The following ELFN2 variants were observed in gnomAD, a reference collection of about 807,000 sequenced individuals.
The protein encoded by ELFN2 is protein phosphatase 1 regulatory subunit 29.
In ELFN2, 17 loss-of-function variants were observed where a neutral mutation model predicts 45.5. That is an observed-to-expected ratio of 0.37 (90% CI 0.26 to 0.56). The LOEUF is 0.56. ELFN2 is among the 20% of genes least tolerant of loss of function. The pLI, the probability that ELFN2 is intolerant of heterozygous loss-of-function variation, is 0.77. For missense variants in ELFN2, 922 were observed against 1,183.2 expected, an observed-to-expected ratio of 0.78 and a Z score of 3.24; for synonymous variants, 550 against 551.5, an observed-to-expected ratio of 1.00 and a Z score of 0.04.
intron 2 of ELFN2, among the ~76,000 whole-genome samples, chr22:37,381,202 C>G (rs985543175): frequency 8.5e-5 from 13 of 152,302 alleles, no homozygotes; most frequent in Non-Finnish European, 1.6e-4. Flanking sequence ...CTGGTGCTGT[C>G]AGCCTCATCT....
chr22:37,411,298 G>A (rs1932643836), intron 2 of ELFN2, among the ~76,000 whole-genome samples: 1 of 152,130 alleles, frequency 6.6e-6, no homozygotes, highest in African/African-American at 2.4e-5. Flanking sequence ...GGCAGCAAAG[G>A]CCTCACCCCA....
At chr22:37,344,445 G>A (rs1028618590) in intron 1 of ELFN2, among the ~76,000 whole-genome samples, 3 of 151,868 alleles carry the variant, frequency 2.0e-5, no homozygotes, top group Non-Finnish European at 4.4e-5. Context: ...AGGTGGACAG[G>A]GCACTGGGAG....
At chr22:37,355,605 C>T (rs375973614) in intron 1 of ELFN2, among the ~76,000 whole-genome samples, 2 of 115,632 alleles carry the variant, frequency 1.7e-5, no homozygotes, top group Non-Finnish European at 3.7e-5. Flanking sequence ...ACCCAAAGGG[C>T]TCCCTTCCCA....
At chr22:37,343,015 G>A (rs1037310669) in intron 1 of ELFN2, among the ~76,000 whole-genome samples, 2 of 152,158 alleles carry the variant, frequency 1.3e-5, no homozygotes, top group East Asian at 3.8e-4. Context: ...TGGCAGAGTG[G>A]GTGCCATGGG....
rs139659096 is a variant in ELFN2 at position 37,356,548 on chromosome 22, G to A, written n.149-13845C>T. On this transcript the variant is annotated intron_variant and non_coding_transcript_variant, in intron 1 of 2. Coordinates refer to ENST00000452946, the Ensembl canonical transcript of ELFN2. ...AGAGCCCTCTGAAATGGCTGTCTACGTTTCACACTCCTGGCCAGGCGTGAA... is the reference window on the plus strand; with the variant it reads ...AGAGCCCTCTGAAATGGCTGTCTACATTTCACACTCCTGGCCAGGCGTGAA... Among the ~76,000 whole-genome samples, 779 of 152,242 alleles carry A rather than the reference G, an allele frequency of 5.1e-3. 9 individuals are homozygous for A. The highest frequency in any genetic ancestry group is 0.018 in the African/African-American group (750 of 41,520).
intron 2 of ELFN2, among the ~76,000 whole-genome samples, chr22:37,413,598 A>G (rs1932707181): frequency 6.6e-6 from 1 of 151,376 alleles, no homozygotes; most frequent in South Asian, 2.1e-4. Context: ...CCCACAGCCC[A>G]TTAATGGCAA....
chr22:37,349,129 C>G (rs1483413079), intron 1 of ELFN2, among the ~76,000 whole-genome samples: 1 of 151,274 alleles, frequency 6.6e-6, no homozygotes, highest in African/African-American at 2.4e-5. Context: ...GCCCGCTCCC[C>G]ACGGCAATGT....
At chr22:37,354,700 A>G (rs1438017127) in intron 1 of ELFN2, 1 of 151,328 alleles carries the variant, frequency 6.6e-6, no homozygotes, top group Non-Finnish European at 1.5e-5. Flanking sequence ...TTCATTTAAT[A>G]CAGGGGTTCT....
chr22:37,390,101 G>A (rs1483502086), intron 2 of ELFN2, among the ~76,000 whole-genome samples: 25 of 152,178 alleles, frequency 1.6e-4, no homozygotes, highest in Non-Finnish European at 4.4e-5. Context: ...GTCACACTGC[G>A]GCAGGGCCTC....
chr22:37,395,653 C>T (rs1259741793), intron 2 of ELFN2, among the ~76,000 whole-genome samples: 2 of 152,310 alleles, frequency 1.3e-5, no homozygotes, highest in East Asian at 3.9e-4. Context: ...GGCTTCCTCA[C>T]CCACGGGGGG....
chr22:37,348,943 G>A (rs558017791), intron 1 of ELFN2, among the ~76,000 whole-genome samples: 178 of 151,046 alleles, frequency 1.2e-3, no homozygotes, highest in African/African-American at 3.8e-3. Flanking sequence ...GGAGGTCTGC[G>A]TCTACCCGTC....
chr22:37,365,609 C>A (rs539355274), downstream of ELFN2, among the ~76,000 whole-genome samples: 1 of 152,310 alleles, frequency 6.6e-6, no homozygotes, highest in South Asian at 2.1e-4. Context: ...AGCCCTTGGG[C>A]GAGGCTTGAG....
rs773133825 is a variant in ELFN2, at chr22:37,375,317, G to C, written c.218C>G (p.Ser73Cys). The change falls in exon 3 of 3, where the codon TCC becomes TGC. Residue 73 changes from serine to cysteine, a missense_variant. Ser to Cys is a moderately radical substitution (Grantham distance 112). This residue lies in a region of ELFN2 where 358 missense variants were observed against 540.4 expected (regional missense o/e 0.66). Coordinates refer to ENST00000402918, the MANE Select transcript of ELFN2 (RefSeq NM_052906.5). ...GAGGTTCCCAAAGCGGTTGAGCGAG[G>C]AGTAGAGCACGGCTTTGAGCTTGTT... ...NENKLKAVLY[S>C]SLNRFGNLTD... The C allele has an allele frequency of 1.7e-5, 27 of 1,614,066 alleles. No individual in the cohort carries two copies. The highest frequency in any genetic ancestry group is 2.3e-5 in the Non-Finnish European group (27 of 1,180,044).
At chr22:37,379,868 G>A (rs989903904) in intron 2 of ELFN2, among the ~76,000 whole-genome samples, 4 of 152,094 alleles carry the variant, frequency 2.6e-5, no homozygotes, top group South Asian at 2.1e-4. Flanking sequence ...CCTAGGTCCC[G>A]GGCCCCTCTC....
At position 37,350,858 on chromosome 22, in the gene ELFN2, C is replaced by T. The variant is rs953776508; in HGVS notation, n.149-8155G>A. On this transcript the variant is annotated intron_variant and non_coding_transcript_variant, in intron 1 of 2. Coordinates refer to ENST00000452946, the Ensembl canonical transcript of ELFN2. ...CCTTTCACCCCACCTCCATCAGCCT[C>T]GGAGGGGCCCTCCCCTCTCAGGACT... is the stretch of plus-strand genomic sequence containing the variant. 3.3e-5 allele frequency among the ~76,000 whole-genome samples: 5 copies of T among 150,200 alleles called. 1 individual carries two copies. The highest frequency in any genetic ancestry group is 6.0e-5 in the Non-Finnish European group (4 of 66,808).
intron 2 of ELFN2, among the ~76,000 whole-genome samples, chr22:37,394,146 T>C (rs1932151229): frequency 6.6e-6 from 1 of 152,092 alleles, no homozygotes; most frequent in South Asian, 2.1e-4. Flanking sequence ...TGTGCCTCAG[T>C]CTCATCATCC....
rs1401089713 is a variant in ELFN2 at position 37,352,000 on chromosome 22, G to A, written n.149-9297C>T. ...CAACTCGGAGCTGGCAGCCACCCAG[G>A]ACTCGTGGGCATTCAGGTAACCTAC... On this transcript the variant is annotated intron_variant and non_coding_transcript_variant, in intron 1 of 2. Coordinates refer to ENST00000452946, the Ensembl canonical transcript of ELFN2. Among the ~76,000 whole-genome samples the A allele has an allele frequency of 4.0e-5, 6 of 150,638 alleles. 2 individuals carry two copies. Among genetic ancestry groups the A allele is most frequent in the Admixed American group, 4.0e-4 (6 of 15,132 alleles).
At chr22:37,397,373 T>C (rs1197668220) in intron 2 of ELFN2, among the ~76,000 whole-genome samples, 1 of 152,100 alleles carries the variant, frequency 6.6e-6, no homozygotes, top group African/African-American at 2.4e-5. Context: ...CTGGCATCCG[T>C]CTCCACTCGC....
At chr22:37,376,324 T>C (rs1931585826) in intron 2 of ELFN2, among the ~76,000 whole-genome samples, 2 of 151,882 alleles carry the variant, frequency 1.3e-5, no homozygotes, top group African/African-American at 2.4e-5. Context: ...CTGGAGGCCA[T>C]GCTCATCCCC....
Sources: allele counts gnomAD v4.1 joint callset (sites outside exome capture counted in the v4.1 genomes callset), GRCh38; gene constraint gnomAD v4.1.1; regional missense constraint gnomAD v4.1.1; transcripts MANE v1.5; gene names NCBI Gene and HGNC (gene_info 2026-07-23, HGNC 2026-07-21).